The following ITK variants were observed in gnomAD, a reference collection of about 807,000 sequenced individuals.
The protein encoded by ITK is IL2 inducible T cell kinase, also known as tyrosine-protein kinase ITK/TSK.
ITK carries 45 observed loss-of-function variants against 87.6 expected under a neutral mutation model. The ratio of observed to expected loss-of-function variants is 0.51; its 90% CI spans 0.40 to 0.66. The LOEUF is 0.66. Among genes scored for constraint, ITK ranks in the 30% least tolerant of loss-of-function variants. ITK has a pLI of 0.00. For synonymous variants in ITK, 303 were observed against 273.6 expected (o/e 1.11, Z -1.06); for missense variants, 605 against 766.3 (o/e 0.79, Z 2.48).
At chr5:157,247,211 A>G (rs1398517097) in intron 15 of ITK, among the ~76,000 whole-genome samples, 1 of 152,214 alleles carries the variant, frequency 6.6e-6, no homozygotes, top group Non-Finnish European at 1.5e-5. Context: ...TAGTCTATCC[A>G]TCTCTAGGAG....
chr5:157,232,222 T>G, intron 7 of ITK, 118 bp from the exon 8 acceptor site: 1 of 730,868 alleles, frequency 1.4e-6, no homozygotes, highest in Admixed American at 2.4e-5. Context: ...ACTTAAAATT[T>G]TTTTAAAGCA....
chr5:157,202,607 T>C (rs1753999583), intron 1 of ITK, among the ~76,000 whole-genome samples: 1 of 152,236 alleles, frequency 6.6e-6, no homozygotes, highest in Non-Finnish European at 1.5e-5. Context: ...CATATGTGTA[T>C]ATGCGTCTTT....
chr5:157,215,079 T>C (rs1385914110), intron 4 of ITK, among the ~76,000 whole-genome samples: 2 of 152,206 alleles, frequency 1.3e-5, no homozygotes, highest in Non-Finnish European at 2.9e-5. Flanking sequence ...TCACATTTAT[T>C]ATGCTCTTGT....
intron 6 of ITK, among the ~76,000 whole-genome samples, chr5:157,225,083 C>T (rs2113762420): frequency 6.6e-6 from 1 of 152,178 alleles, no homozygotes; most frequent in Admixed American, 6.5e-5. Context: ...CAGCCTTGAC[C>T]TCTCAGGCTC....
intron 1 of ITK, among the ~76,000 whole-genome samples, chr5:157,192,423 T>C (rs778990175): frequency 2.6e-5 from 4 of 152,196 alleles, no homozygotes; most frequent in Non-Finnish European, 4.4e-5. Flanking sequence ...TAGTTTTAAT[T>C]TTAGACAGGG....
rs531505014 is a variant in ITK, at chr5:157,193,481, G to A, written c.138+12366G>A. ...AACAGCCAATATTTAATGAGTTCTC[G>A]CTGTGTTTCATAGCATCAAGGTTAA... is the stretch of plus-strand genomic sequence containing the variant. On this transcript the variant is annotated intron_variant, in intron 1 of 16. Transcript: ENST00000422843. 1.6e-4 allele frequency among the ~76,000 whole-genome samples: 24 copies of A among 152,158 alleles called. No homozygotes were observed. The South Asian group carries it at 1.9e-3, about 12-fold the overall frequency.
chr5:157,215,152 A>G (rs1233511889), intron 4 of ITK, among the ~76,000 whole-genome samples: 1 of 152,186 alleles, frequency 6.6e-6, no homozygotes, highest in African/African-American at 2.4e-5. Flanking sequence ...TGAGCAATTC[A>G]GTATGCTCCG....
intron 1 of ITK, among the ~76,000 whole-genome samples, chr5:157,186,314 C>T (rs1432259666): frequency 1.3e-5 from 2 of 151,902 alleles, no homozygotes; most frequent in East Asian, 1.9e-4. Context: ...CCACAAATGC[C>T]CCAGGACAAA....
chr5:157,215,424 C>A (rs1328733940), intron 4 of ITK, among the ~76,000 whole-genome samples: 1 of 152,138 alleles, frequency 6.6e-6, no homozygotes. Context: ...TCACCCTGCA[C>A]CTTGGGGAAA....
At chr5:157,183,934 C>T (rs1753591720) in intron 1 of ITK, among the ~76,000 whole-genome samples, 1 of 152,106 alleles carries the variant, frequency 6.6e-6, no homozygotes, top group South Asian at 2.1e-4. Flanking sequence ...TGCCTATTGT[C>T]ATTATAATAC....
rs199830726 is a variant in ITK at position 157,245,845 on chromosome 5, G to T, written c.1515-36G>T. 23 of 1,610,102 alleles carry T rather than the reference G, an allele frequency of 1.4e-5. No homozygotes were observed. In the Admixed American group the frequency reaches 3.8e-4, roughly 27 times the overall value. The stretch of plus-strand genomic sequence containing the variant: ...CTCAGGAATGGGACTGAGGCCCCCG[G>T]AACATTCTGACCTTCTCCCTCCACT... On this transcript the variant is annotated intron_variant, in intron 14 of 16. Transcript: ENST00000422843.
In ITK at chr5:157,238,201, T is replaced by C; in HGVS notation, c.851+10T>C. 1 of 1,603,182 alleles carries C rather than the reference T, an allele frequency of 6.2e-7. No homozygotes were observed. Among genetic ancestry groups the C allele is most frequent in the Non-Finnish European group, 8.5e-7 (1 of 1,170,012 alleles). ...CCAAGGCTGTTGTAAGGTATGGAGC[T>C]AACTCTGCTCAGCAAAGTGGAGAGA... On this transcript the variant is annotated intron_variant, in intron 9 of 16. Coordinates refer to ENST00000422843, the MANE Select transcript of ITK (RefSeq NM_005546.4).
intron 15 of ITK, among the ~76,000 whole-genome samples, chr5:157,248,491 G>A (rs534094536): frequency 3.3e-5 from 5 of 152,182 alleles, no homozygotes; most frequent in African/African-American, 1.2e-4. Flanking sequence ...GTCTCCTTAA[G>A]ACAGAACTGT....
At chr5:157,199,671 A>G (rs979346161) in intron 1 of ITK, 13 of 152,230 alleles carry the variant, frequency 8.5e-5, no homozygotes, top group African/African-American at 3.1e-4. Flanking sequence ...CTGCTCTTCT[A>G]CGTATTAAGA....
chr5:157,230,196 A>C (rs1754622097), intron 7 of ITK, among the ~76,000 whole-genome samples: 1 of 152,206 alleles, frequency 6.6e-6, no homozygotes, highest in African/African-American at 2.4e-5. Flanking sequence ...CAAATAGTTC[A>C]GAAGAAAAGT....
intron 9 of ITK, 142 bp from the exon 10 acceptor site, chr5:157,239,920 G>C (rs750739544): frequency 1.1e-4 from 91 of 860,406 alleles, no homozygotes; most frequent in Non-Finnish European, 1.6e-4. Flanking sequence ...AATCTGTCAA[G>C]ACAGACTTAT....
At chr5:157,198,887 G>A (rs31221) in intron 1 of ITK, among the ~76,000 whole-genome samples, 1 of 152,180 alleles carries the variant, frequency 6.6e-6, no homozygotes, top group Non-Finnish European at 1.5e-5. Flanking sequence ...CTCAGCCTCC[G>A]GAGTGGCTGG....
chr5:157,217,697 C>T (rs1045228053), intron 4 of ITK, among the ~76,000 whole-genome samples, 170 bp from the exon 5 acceptor site: 1 of 152,314 alleles, frequency 6.6e-6, no homozygotes, highest in South Asian at 2.1e-4. Context: ...AAGACAGCTT[C>T]TGACAAGGCC....
intron 4 of ITK, 145 bp from the exon 5 acceptor site, chr5:157,217,722 T>C (rs1754327394): frequency 4.2e-6 from 3 of 706,790 alleles, no homozygotes; most frequent in Non-Finnish European, 7.7e-6. Context: ...CAGGTTTCAC[T>C]GTGTCTTATT....
Sources: gnomAD v4.1 joint callset for allele counts (sites outside exome capture counted in the v4.1 genomes callset) on GRCh38, gnomAD v4.1.1 for gene constraint, MANE v1.5 for transcripts, NCBI Gene and HGNC (gene_info 2026-07-23, HGNC 2026-07-21) for gene names.